The following P2RX1 variants were observed in gnomAD, a reference collection of about 807,000 sequenced individuals.
P2RX1 encodes P2X purinoceptor 1.
A neutral mutation model predicts 50.3 loss-of-function variants in P2RX1; 42 were observed. That is an observed-to-expected ratio of 0.83 (90% CI 0.65 to 1.08). P2RX1 has a LOEUF of 1.08. P2RX1 is among the 50% of genes least tolerant of loss of function. The pLI, the probability that P2RX1 is intolerant of heterozygous loss-of-function variation, is 0.00. For synonymous variants in P2RX1, 199 were observed against 202.6 expected (o/e 0.98, Z 0.15); for missense variants, 449 against 529.0 (o/e 0.85, Z 1.48).
rs979251898 is a variant in P2RX1, at chr17:3,914,277, C to T, written c.137+1812G>A. Among the ~76,000 whole-genome samples, 6 of 152,090 alleles carry T rather than the reference C, an allele frequency of 3.9e-5. No individual in the cohort carries two copies. Among genetic ancestry groups the T allele is most frequent in the Non-Finnish European group, 7.4e-5 (5 of 68,008 alleles). ...TGGCTAATCCCTGTGGTCCTGAGCC[C>T]CACAGACACCGAGAAGGGCCACATC... On this transcript the variant is annotated intron_variant, in intron 1 of 11. Transcript: ENST00000225538. The surrounding 1 kb of genome is among the most constrained non-coding windows in gnomAD (Gnocchi z 4.1).
intron 8 of P2RX1, among the ~76,000 whole-genome samples, chr17:3,899,359 T>A (rs1178455316): frequency 6.7e-6 from 1 of 149,204 alleles, no homozygotes; most frequent in Non-Finnish European, 1.5e-5. Context: ...TGGGCTGCTG[T>A]GCTCAGCCAT....
In P2RX1 at chr17:3,904,335, G is replaced by A. The variant is rs199943969; in HGVS notation, c.422C>T (p.Ala141Val). 7.4e-6 allele frequency: 12 copies of A among 1,613,658 alleles called. No homozygotes were observed. The highest frequency in any genetic ancestry group is 3.3e-5 in the Admixed American group (2 of 60,008). ...GCTPGKAKRK[A>V]QGIRTGKCVA... ...CAGGAGGAGGCTGACCTTACCTTGG[G>A]CCTTCCTCTTGGCCTTCCCAGGGGT... is the stretch of plus-strand genomic sequence containing the variant. Residue 141 changes from alanine to valine, a missense_variant, in exon 4 of 12, where the codon GCC (alanine) becomes GTC (valine). Ala to Val is a moderately conservative substitution (Grantham distance 64). Coordinates refer to ENST00000225538, the MANE Select transcript of P2RX1 (RefSeq NM_002558.4).
At chr17:3,908,476 C>T (rs1485950726) in intron 1 of P2RX1, among the ~76,000 whole-genome samples, 2 of 152,202 alleles carry the variant, frequency 1.3e-5, no homozygotes, top group African/African-American at 4.8e-5. Flanking sequence ...GGCAGAGACT[C>T]ACTTGAACCT....
chr17:3,903,158 C>T lies in P2RX1; in HGVS notation c.747+44G>A. The T allele has an allele frequency of 1.2e-6, 2 of 1,613,086 alleles. No individual in the cohort carries two copies. Among genetic ancestry groups the T allele is most frequent in the Non-Finnish European group, 1.7e-6 (2 of 1,179,832 alleles). ...GGCCTAAAAAGCCTTTATCAGGATC[C>T]TGCGGCCCAGCCCTCCCCACGTGCC... On this transcript the variant is annotated intron_variant, in intron 7 of 11. Coordinates refer to ENST00000225538, the MANE Select transcript of P2RX1 (RefSeq NM_002558.4). The surrounding 1 kb of genome is among the most constrained non-coding windows in gnomAD (Gnocchi z 4.6).
At chr17:3,900,430 G>C (rs1289323202) in intron 7 of P2RX1, among the ~76,000 whole-genome samples, 1 of 152,066 alleles carries the variant, frequency 6.6e-6, no homozygotes, top group African/African-American at 2.4e-5. Context: ...CTCCAGCCTG[G>C]GCAACAGAGC....
chr17:3,915,649 G>T, intron 1 of P2RX1: 1 of 459,184 alleles, frequency 2.2e-6, no homozygotes, highest in African/African-American at 2.0e-5. Flanking sequence ...CTCAGGCAGG[G>T]AAGCTGGCAG....
chr17:3,898,154 G>A (rs1279137241), intron 10 of P2RX1, 44 bp from the exon 11 acceptor site: 8 of 1,542,694 alleles, frequency 5.2e-6, no homozygotes, highest in Non-Finnish European at 6.3e-6. Flanking sequence ...GAATCCGGGG[G>A]TGGGTACGGA....
intron 8 of P2RX1, among the ~76,000 whole-genome samples, 187 bp downstream of exon 8, chr17:3,899,447 C>G (rs2056095219): frequency 1.3e-5 from 2 of 151,170 alleles, no homozygotes; most frequent in Admixed American, 6.6e-5. Context: ...GACCCAGGGA[C>G]AGGGGATTTG....
chr17:3,910,390 A>G (rs2056342855), intron 1 of P2RX1, among the ~76,000 whole-genome samples: 1 of 152,106 alleles, frequency 6.6e-6, no homozygotes, highest in Non-Finnish European at 1.5e-5. Flanking sequence ...CGTCATGGAG[A>G]ATGGTGCTGT....
intron 8 of P2RX1, 36 bp from the exon 9 acceptor site, chr17:3,899,060 AGGGGACTGTCTTG>A (rs1038210332): frequency 2.1e-5 from 31 of 1,462,128 alleles, no homozygotes; most frequent in Non-Finnish European, 3.0e-5. Flanking sequence ...AGGGTGATGG[AGGGGACTGTCTTG>A]GGTCTGGAGT....
Position 3,897,619 on chromosome 17 carries a change from G to A in P2RX1, c.*195C>T. The A allele has an allele frequency of 1.6e-6, 1 of 635,246 alleles. No individual in the cohort carries two copies. Among genetic ancestry groups the A allele is most frequent in the South Asian group, 1.8e-5 (1 of 56,614 alleles). 39.4% of individuals were successfully genotyped at this position (635,246 alleles called of 1,614,324 possible). On this transcript the variant is annotated 3_prime_UTR_variant, in exon 12 of 12. Transcript: ENST00000225538. ...GGCTAGGGTAGGGCTCCCTCAGGGT[G>A]TGTGGGGTCGGAGCCGGAGCTCAGA...
Position 3,898,511 on chromosome 17 carries a change from G to A in P2RX1, c.1005C>T (p.Ile335=), listed in dbSNP as rs140686678. Residue 335 remains isoleucine (I), a synonymous_variant, in exon 10 of 12, where the codon ATC becomes ATT. Coordinates refer to ENST00000225538, the MANE Select transcript of P2RX1 (RefSeq NM_002558.4). ...KFDIIPTMTT[I]GSGIGIFGVA... ...CCCCAAAGATGCCAATTCCAGAGCC[G>A]ATGGTGGTCATTGTAGGGATGATGT... 355 of 1,613,984 alleles carry A rather than the reference G, an allele frequency of 2.2e-4. 2 individuals are homozygous for A. The East Asian group carries it at 6.1e-3, about 28-fold the overall frequency.
intron 1 of P2RX1, among the ~76,000 whole-genome samples, chr17:3,908,023 C>A (rs1260118135): frequency 6.6e-6 from 1 of 152,220 alleles, no homozygotes; most frequent in African/African-American, 2.4e-5. Flanking sequence ...GACAGGGAAG[C>A]TGAGGCCTGC....
chr17:3,911,735 C>T (rs2144066944), intron 1 of P2RX1, among the ~76,000 whole-genome samples: 1 of 152,360 alleles, frequency 6.6e-6, no homozygotes, highest in Middle Eastern at 3.4e-3. Context: ...ACAGCCTCTC[C>T]CTTGGGCTCC....
intron 1 of P2RX1, among the ~76,000 whole-genome samples, chr17:3,911,884 C>T (rs563117548): frequency 6.6e-6 from 1 of 152,112 alleles, no homozygotes; most frequent in African/African-American, 2.4e-5. Context: ...CAGGGCATTC[C>T]GTTTCCTTGA....
In P2RX1 at chr17:3,897,710, G is replaced by C. The variant is rs1433074767; in HGVS notation, c.*104C>G. The C allele has an allele frequency of 4.0e-6, 4 of 1,002,782 alleles. No homozygotes were observed. The East Asian group carries it at 1.0e-4, about 26-fold the overall frequency. The allele number at this position is 1,002,782 out of a possible 1,614,324, so 62.1% of individuals were successfully genotyped here. On this transcript the variant is annotated 3_prime_UTR_variant, in exon 12 of 12. Coordinates refer to ENST00000225538, the MANE Select transcript of P2RX1 (RefSeq NM_002558.4). The stretch of plus-strand genomic sequence containing the variant: ...CAAACTGCTCTCTGCCTGGCTGAGA[G>C]GGTAGGAGACTTCCTGGGGAGGCCC...
chr17:3,916,218 C>T lies in P2RX1; in HGVS notation c.8G>A (p.Arg3Gln), dbSNP rs747987720. Residue 3 changes from arginine to glutamine, a missense_variant, in exon 1 of 12, where the codon CGG becomes CAG. By Grantham distance (43) the Arg-to-Gln change is conservative. Transcript: ENST00000225538. ...GGCGGCCAGCTCCTCCTGGAACCGC[C>T]GTGCCATGGTGGGCCGGCTGGGGCT... is the stretch of plus-strand genomic sequence containing the variant. Reference protein sequence around the residue: MARRFQEELAAFL... With the variant: MAQRFQEELAAFL... 36 of 1,612,948 alleles carry T rather than the reference C, an allele frequency of 2.2e-5. No individual in the cohort carries two copies. The highest frequency in any genetic ancestry group is 1.6e-4 in the Middle Eastern group (1 of 6,064).
intron 10 of P2RX1, 39 bp from the exon 11 acceptor site, chr17:3,898,149 C>T (rs759889536): frequency 3.8e-5 from 60 of 1,563,636 alleles, no homozygotes; most frequent in Non-Finnish European, 4.8e-5. Context: ...CGTGGGAATC[C>T]GGGGGTGGGT....
chr17:3,915,550 G>T, intron 1 of P2RX1: 1 of 456,674 alleles, frequency 2.2e-6, no homozygotes, highest in South Asian at 1.5e-5. Flanking sequence ...TCTGTCCTCC[G>T]CCTGACATGC....
Sources: gnomAD v4.1 joint callset for allele counts (sites outside exome capture counted in the v4.1 genomes callset) on GRCh38, gnomAD v4.1.1 for gene constraint, Gnocchi (gnomAD v3.1) non-coding constraint, MANE v1.5 for transcripts, NCBI Gene and HGNC (gene_info 2026-07-23, HGNC 2026-07-21) for gene names.